The following ADGRB3 variants were observed in gnomAD, a reference collection of about 807,000 sequenced individuals.
ADGRB3 encodes adhesion G protein-coupled receptor B3.
A neutral mutation model predicts 193.4 loss-of-function variants in ADGRB3; 37 were observed. The ratio of observed to expected loss-of-function variants is 0.19; its 90% CI spans 0.15 to 0.25. ADGRB3 has a LOEUF of 0.25. ADGRB3 is among the 10% of genes least tolerant of loss of function. The pLI is 1.00. For missense variants in ADGRB3, 1,637 were observed against 1,852.9 expected (o/e 0.88, Z 2.14); for synonymous variants, 690 against 644.2 (o/e 1.07, Z -1.08).
chr6:68,986,881 CTG>C (rs1451614224), intron 10 of ADGRB3, among the ~76,000 whole-genome samples: 1 of 152,042 alleles, frequency 6.6e-6, no homozygotes, highest in African/African-American at 2.4e-5. Flanking sequence ...ATAGCGGCAA[CTG>C]TGGCTGGCAG....
chr6:68,745,884 C>T (rs1423852140), intron 3 of ADGRB3, among the ~76,000 whole-genome samples: 2 of 151,812 alleles, frequency 1.3e-5, no homozygotes, highest in East Asian at 1.9e-4. Context: ...CTCCTTATTG[C>T]GATTTGTAAT....
chr6:68,927,711 T>A (rs1222057913), intron 3 of ADGRB3, among the ~76,000 whole-genome samples: 3 of 152,144 alleles, frequency 2.0e-5, no homozygotes, highest in African/African-American at 7.2e-5. Context: ...GAACAATGGA[T>A]GTGGAATATT....
intron 17 of ADGRB3, among the ~76,000 whole-genome samples, chr6:69,190,814 T>C (rs1483416419): frequency 1.3e-5 from 2 of 152,270 alleles, no homozygotes; most frequent in African/African-American, 2.4e-5. Context: ...TATTATTTTT[T>C]CTATGTTTAG....
chr6:69,010,410 T>C (rs1769896828), intron 11 of ADGRB3, among the ~76,000 whole-genome samples: 1 of 151,914 alleles, frequency 6.6e-6, no homozygotes, highest in Non-Finnish European at 1.5e-5. Context: ...GAATTATAGG[T>C]GCGTATTTGC....
chr6:69,300,549 A>G (rs1767928067), intron 20 of ADGRB3, among the ~76,000 whole-genome samples: 1 of 151,842 alleles, frequency 6.6e-6, no homozygotes, highest in Admixed American at 6.6e-5. Context: ...AACAGATTAT[A>G]TCATCTTATA....
intron 30 of ADGRB3, among the ~76,000 whole-genome samples, chr6:69,373,435 A>G (rs933671200): frequency 6.6e-6 from 1 of 152,074 alleles, no homozygotes; most frequent in Non-Finnish European, 1.5e-5. Flanking sequence ...GAGTCCAAGG[A>G]TAATTGGTTC....
rs60078030 is a variant in ADGRB3 at position 68,749,408 on chromosome 6, A to ATGTGTGTGTG, written c.757+110006_757+110015dup. 3.2e-3 allele frequency among the ~76,000 whole-genome samples: 440 copies of ATGTGTGTGTG among 136,550 alleles called. 1 individual carries two copies. The highest frequency in any genetic ancestry group is 0.015 in the Middle Eastern group (4 of 270). The allele number at this position is 136,550 out of a possible 152,430, so 89.6% of individuals were successfully genotyped here. ...TAAACTCCCCTTTATATATATATAT[A>ATGTGTGTGTG]TGTGTGTGTGTGTGTGTGTGTGTGT... On this transcript the variant is annotated intron_variant, in intron 3 of 31. Coordinates refer to ENST00000370598, the MANE Select transcript of ADGRB3 (RefSeq NM_001704.3).
chr6:69,235,840 C>T (rs956170045), intron 19 of ADGRB3, among the ~76,000 whole-genome samples: 3 of 151,844 alleles, frequency 2.0e-5, no homozygotes, highest in Admixed American at 1.3e-4. Context: ...TGAAGTTTAT[C>T]GTCTACTCAC....
rs1765192436 is a variant in ADGRB3 at position 69,191,761 on chromosome 6, C to G, written c.2481-41529C>G. ...GTAAATAAGCAAGACAGAGCCTTGT[C>G]TGAGACAAAGAAATTTAGATTAAGT... On this transcript the variant is annotated intron_variant, in intron 17 of 31. Coordinates refer to ENST00000370598, the MANE Select transcript of ADGRB3 (RefSeq NM_001704.3). 1.3e-5 allele frequency among the ~76,000 whole-genome samples: 2 copies of G among 152,022 alleles called. 1 individual carries two copies. Among genetic ancestry groups the G allele is most frequent in the South Asian group, 4.1e-4 (2 of 4,822 alleles).
chr6:69,221,946 T>A (rs1318168094), intron 17 of ADGRB3, among the ~76,000 whole-genome samples: 2 of 152,184 alleles, frequency 1.3e-5, no homozygotes, highest in Admixed American at 1.3e-4. Flanking sequence ...AAGATTTGGT[T>A]ATCCAGAGTT....
intron 17 of ADGRB3, among the ~76,000 whole-genome samples, chr6:69,124,724 A>G (rs1773809727): frequency 6.6e-6 from 1 of 152,218 alleles, no homozygotes; most frequent in Admixed American, 6.5e-5. Context: ...CTTTCTATAT[A>G]GCATGCTATT....
chr6:68,949,986 A>G (rs1031617817), intron 6 of ADGRB3, among the ~76,000 whole-genome samples: 8 of 151,712 alleles, frequency 5.3e-5, no homozygotes, highest in Non-Finnish European at 1.2e-4. Flanking sequence ...TTTTCCTTCT[A>G]TGTAGTTTAG....
At chr6:69,089,363 A>T (rs1450991221) in intron 17 of ADGRB3, among the ~76,000 whole-genome samples, 2 of 152,216 alleles carry the variant, frequency 1.3e-5, no homozygotes, top group African/African-American at 4.8e-5. Context: ...AGATGTTTTC[A>T]TGATGAATGT....
chr6:68,760,370 T>C (rs1417076453), intron 3 of ADGRB3, among the ~76,000 whole-genome samples: 2 of 152,170 alleles, frequency 1.3e-5, no homozygotes, highest in Non-Finnish European at 2.9e-5. Context: ...GCTTTTCCTA[T>C]CAGGGAAGCT....
intron 20 of ADGRB3, among the ~76,000 whole-genome samples, chr6:69,251,133 C>T (rs893623240): frequency 2.0e-5 from 3 of 152,206 alleles, no homozygotes; most frequent in African/African-American, 7.2e-5. Context: ...GTTTCAAAAG[C>T]GTCTCATCAA....
intron 3 of ADGRB3, among the ~76,000 whole-genome samples, chr6:68,740,507 C>T (rs950958722): frequency 1.3e-5 from 2 of 151,956 alleles, no homozygotes; most frequent in African/African-American, 4.8e-5. Context: ...TATCAATAAC[C>T]TTGGATGAGA....
chr6:69,354,970 A>G (rs1769308085), intron 27 of ADGRB3, among the ~76,000 whole-genome samples: 1 of 152,214 alleles, frequency 6.6e-6, no homozygotes, highest in Non-Finnish European at 1.5e-5. Context: ...ATTAAATAGG[A>G]CAGTTTTACT....
intron 3 of ADGRB3, among the ~76,000 whole-genome samples, chr6:68,800,445 G>A (rs1396745908): frequency 6.6e-6 from 1 of 152,114 alleles, no homozygotes; most frequent in Non-Finnish European, 1.5e-5. Flanking sequence ...ATGAACCTGG[G>A]AATCATCAGC....
intron 3 of ADGRB3, among the ~76,000 whole-genome samples, chr6:68,838,916 A>G (rs2127386564): frequency 6.6e-6 from 1 of 152,326 alleles, no homozygotes; most frequent in East Asian, 1.9e-4. Flanking sequence ...TTAAGTCAAG[A>G]CAAACACTAA....
Sources: allele counts gnomAD v4.1 joint callset (sites outside exome capture counted in the v4.1 genomes callset), GRCh38; gene constraint gnomAD v4.1.1; transcripts MANE v1.5; gene names NCBI Gene and HGNC (gene_info 2026-07-23, HGNC 2026-07-21).